Variants in CEPT1 observed in about 807,000 individuals in gnomAD.
The protein encoded by CEPT1 is choline/ethanolamine phosphotransferase 1, also known as choline/ethanolaminephosphotransferase 1.
Under a neutral mutation model 42.6 loss-of-function variants are expected in CEPT1, and 7 were observed. The ratio of observed to expected loss-of-function variants is 0.16; its 90% CI spans 0.09 to 0.31. CEPT1 has a LOEUF of 0.31. Ranked by LOEUF, CEPT1 falls within the 10% of genes least tolerant of loss-of-function variation. CEPT1 has a pLI of 1.00. For missense variants in CEPT1, 306 were observed against 502.1 expected, an observed-to-expected ratio of 0.61 and a Z score of 3.73; for synonymous variants, 171 against 171.9, an observed-to-expected ratio of 0.99 and a Z score of 0.04.
intron 1 of CEPT1, among the ~76,000 whole-genome samples, chr1:111,146,346 C>G (rs920726397): frequency 2.6e-5 from 4 of 152,110 alleles, no homozygotes; most frequent in African/African-American, 4.8e-5. Flanking sequence ...ATCCCTAGTT[C>G]CCTTTCACCC....
Position 111,174,732 on chromosome 1 carries a change from T to A in CEPT1, c.630-147T>A. The stretch of plus-strand genomic sequence containing the variant: ...TTATATGATTTTGCTCATAACAAAT[T>A]TTTGATGCCTCCTTTTCCCCTTTCC... On this transcript the variant is annotated intron_variant, in intron 4 of 8. Coordinates refer to ENST00000357172, the MANE Select transcript of CEPT1 (RefSeq NM_006090.5). 5.8e-6 allele frequency: 3 copies of A among 514,652 alleles called. No individual in the cohort carries two copies. In the South Asian group the frequency reaches 1.0e-4, roughly 17 times the overall value. The allele number at this position is 514,652 out of a possible 1,614,324, so 31.9% of individuals were successfully genotyped here. A position where few individuals can be genotyped will look rare whatever the true frequency, so the allele number is the denominator to read the frequency against.
intron 2 of CEPT1, among the ~76,000 whole-genome samples, chr1:111,151,721 T>G (rs1190594978): frequency 6.6e-6 from 1 of 152,222 alleles, no homozygotes; most frequent in African/African-American, 2.4e-5. Context: ...TCTTTAGGAT[T>G]GGGACAGTCT....
At chr1:111,150,072 G>A (rs947941877) in intron 2 of CEPT1, among the ~76,000 whole-genome samples, 1 of 152,208 alleles carries the variant, frequency 6.6e-6, no homozygotes, top group African/African-American at 2.4e-5. Context: ...ATATGACTGA[G>A]CTGCTGCTTG....
chr1:111,182,830 T>C lies in CEPT1; in HGVS notation c.878T>C (p.Ile293Thr). The change falls in exon 7 of 9, where the codon ATT (isoleucine) becomes ACT (threonine). Residue 293 changes from isoleucine (I) to threonine (T), a missense_variant. By Grantham distance (89) the Ile-to-Thr change is moderately conservative. This residue lies in a region of CEPT1 where 253 missense variants were observed against 447.3 expected (regional missense o/e 0.57). Coordinates refer to ENST00000357172, the MANE Select transcript of CEPT1 (RefSeq NM_006090.5). ...GTSVLSPFLHIGSVITLAAMI... is the reference protein window; with the variant it reads ...GTSVLSPFLHTGSVITLAAMI... ...AGTGTCCTTTCTCCTTTTCTCCATA[T>C]TGGATCAGTGATTACATTAGCTGCA... The C allele has an allele frequency of 6.2e-7, 1 of 1,613,484 alleles. No homozygotes were observed. Among genetic ancestry groups the C allele is most frequent in the East Asian group, 2.2e-5 (1 of 44,840 alleles).
chr1:111,181,180 T>A (rs968135602), intron 5 of CEPT1: 2 of 151,664 alleles, frequency 1.3e-5, no homozygotes, highest in Non-Finnish European at 2.9e-5. Context: ...AAAAAAAATT[T>A]TTTTTTTCAT....
intron 4 of CEPT1, among the ~76,000 whole-genome samples, chr1:111,170,041 G>C (rs1277005701): frequency 6.6e-6 from 1 of 152,172 alleles, no homozygotes; most frequent in Non-Finnish European, 1.5e-5. Context: ...GATATAATAA[G>C]TCTTCATTAT....
chr1:111,173,847 T>A (rs188900739), intron 4 of CEPT1, among the ~76,000 whole-genome samples: 1 of 152,200 alleles, frequency 6.6e-6, no homozygotes, highest in Non-Finnish European at 1.5e-5. Flanking sequence ...ATATCTTTGC[T>A]ACTTTTTATA....
At chr1:111,174,816 C>T (rs1258809277) in intron 4 of CEPT1, 63 bp from the exon 5 acceptor site, 3 of 987,428 alleles carry the variant, frequency 3.0e-6, no homozygotes, top group East Asian at 4.8e-5. Flanking sequence ...GCTAAGCTTG[C>T]AAGTAATTAA....
chr1:111,146,100 T>C (rs950496720), intron 1 of CEPT1, among the ~76,000 whole-genome samples: 3 of 151,208 alleles, frequency 2.0e-5, no homozygotes, highest in African/African-American at 7.3e-5. Flanking sequence ...TTTTTTTAAA[T>C]GGTCTCTGTT....
chr1:111,162,912 G>A (rs958157575), intron 4 of CEPT1, among the ~76,000 whole-genome samples: 1 of 152,158 alleles, frequency 6.6e-6, no homozygotes, highest in African/African-American at 2.4e-5. Context: ...AGAAGCATTG[G>A]TTAGAGGAGA....
At chr1:111,157,721 G>T (rs1189947751) in intron 2 of CEPT1, among the ~76,000 whole-genome samples, 2 of 152,320 alleles carry the variant, frequency 1.3e-5, no homozygotes, top group East Asian at 3.9e-4. Flanking sequence ...GTATGTGCTA[G>T]CTCCTTTGGA....
At position 111,182,230 on chromosome 1, in the gene CEPT1, G is replaced by T; in HGVS notation, c.758G>T (p.Cys253Phe). The change falls in exon 6 of 9, where the codon TGT (cysteine) becomes TTT (phenylalanine). Residue 253 changes from cysteine to phenylalanine, a missense_variant. Cys to Phe is a radical substitution (Grantham distance 205). Coordinates refer to ENST00000357172, the MANE Select transcript of CEPT1 (RefSeq NM_006090.5). ...NIQMKIFPAL[C>F]TVAGTIFSCT... Reference sequence around the variant, plus strand: ...CAAATGAAAATTTTTCCTGCACTTTGTACTGTAGCAGGGACCATATTTTCC... The same window carrying T: ...CAAATGAAAATTTTTCCTGCACTTTTTACTGTAGCAGGGACCATATTTTCC... 1.9e-6 allele frequency: 3 copies of T among 1,611,924 alleles called. No homozygotes were observed. The highest frequency in any genetic ancestry group is 1.1e-5 in the South Asian group (1 of 90,778).
rs11323094 is a variant in CEPT1, at chr1:111,165,044, C to CTTTTT, written c.629+3767_629+3771dup. Among the ~76,000 whole-genome samples the CTTTTT allele has an allele frequency of 9.5e-4, 80 of 83,984 alleles. 3 individuals carry two copies. The highest frequency in any genetic ancestry group is 2.1e-3 in the African/African-American group (43 of 20,134). 55.1% of individuals were successfully genotyped at this position (83,984 alleles called of 152,430 possible). On this transcript the variant is annotated intron_variant, in intron 4 of 8. Coordinates refer to ENST00000357172, the MANE Select transcript of CEPT1 (RefSeq NM_006090.5). ...AACTATACTTACATAAAACATCGGT[C>CTTTTT]TTTTTTTTTTTTTTTTTTTTTTTGA...
chr1:111,145,609 T>G (rs1328221915), intron 1 of CEPT1, among the ~76,000 whole-genome samples: 1 of 152,220 alleles, frequency 6.6e-6, no homozygotes, highest in Non-Finnish European at 1.5e-5. Context: ...CTTGTCCATG[T>G]GGTTACTCAT....
At chr1:111,161,393 A>T (rs1382001368) in intron 4 of CEPT1, 97 bp downstream of exon 4, 1 of 1,133,836 alleles carries the variant, frequency 8.8e-7, no homozygotes, top group African/African-American at 1.7e-5. Flanking sequence ...CAAATCACTA[A>T]GTTAGTTTAA....
At chr1:111,153,737 T>C (rs552427080) in intron 2 of CEPT1, among the ~76,000 whole-genome samples, 1 of 152,332 alleles carries the variant, frequency 6.6e-6, no homozygotes, top group East Asian at 1.9e-4. Context: ...CCACTCTATG[T>C]TCCTGGCATC....
In CEPT1 at chr1:111,164,072, T is replaced by C. The variant is rs189841746; in HGVS notation, c.629+2776T>C. Among the ~76,000 whole-genome samples the C allele has an allele frequency of 4.6e-5, 7 of 152,320 alleles. 1 individual carries two copies. Among genetic ancestry groups the C allele is most frequent in the African/African-American group, 1.7e-4 (7 of 41,586 alleles). Reference sequence around the variant, plus strand: ...AAATAGAATGTTTGCCAGATAAGAATTTTTTGTTCCTTAGCCTCTTTATTA... The same window carrying C: ...AAATAGAATGTTTGCCAGATAAGAACTTTTTGTTCCTTAGCCTCTTTATTA... On this transcript the variant is annotated intron_variant, in intron 4 of 8. Transcript: ENST00000357172.
intron 5 of CEPT1, 114 bp from the exon 6 acceptor site, chr1:111,182,073 A>C: frequency 1.5e-6 from 1 of 689,448 alleles, no homozygotes; most frequent in Non-Finnish European, 2.3e-6. Flanking sequence ...TACTTTACGT[A>C]TTTATGTAAT....
chr1:111,148,972 C>T (rs1215778741), intron 2 of CEPT1, among the ~76,000 whole-genome samples: 1 of 152,144 alleles, frequency 6.6e-6, no homozygotes, highest in African/African-American at 2.4e-5. Context: ...ACATTCCTTA[C>T]CTTGTTTTAA....
Sources: gnomAD v4.1 joint callset for allele counts (sites outside exome capture counted in the v4.1 genomes callset) on GRCh38, gnomAD v4.1.1 for gene constraint, gnomAD v4.1.1 regional missense constraint, MANE v1.5 for transcripts, NCBI Gene and HGNC (gene_info 2026-07-23, HGNC 2026-07-21) for gene names.